The following CELF2 variants were observed in gnomAD, a reference collection of about 807,000 sequenced individuals.
CELF2 encodes CUGBP Elav-like family member 2.
CELF2 carries 8 observed loss-of-function variants against 62.6 expected under a neutral mutation model. The ratio of observed to expected loss-of-function variants is 0.13; its 90% confidence interval spans 0.07 to 0.23. The LOEUF (loss-of-function observed/expected upper bound fraction) is 0.23. Among genes scored for constraint, CELF2 ranks in the 10% least tolerant of loss-of-function variants. CELF2 has a pLI of 1.00. For synonymous variants in CELF2, 258 were observed against 250.0 expected, an observed-to-expected ratio of 1.03 and a Z score of -0.30; for missense variants, 333 against 671.0, an observed-to-expected ratio of 0.50 and a Z score of 5.56.
At chr10:10,470,112 A>G in the CELF2 span, among the ~76,000 whole-genome samples, 2 of 151,868 alleles carry the variant, frequency 1.3e-5, no homozygotes, top group Non-Finnish European at 2.9e-5. Flanking sequence ...AATCTTTTAG[A>G]AATCAAAAAT....
intron 1 of CELF2, among the ~76,000 whole-genome samples, chr10:10,916,611 T>TTTG (rs900125432): frequency 1.1e-4 from 16 of 152,118 alleles, no homozygotes; most frequent in Non-Finnish European, 2.2e-4. Context: ...TGGAATTTCT[T>TTTG]TTGTTGTTGT....
the CELF2 span, among the ~76,000 whole-genome samples, chr10:10,640,947 G>T: frequency 3.3e-5 from 5 of 151,972 alleles, no homozygotes; most frequent in African/African-American, 9.7e-5. Flanking sequence ...TGGCTTTGAG[G>T]GCCAAAGAGA....
rs1300965195 is a variant in CELF2, at chr10:11,315,854, C to T, written c.1096+1596C>T. Among the ~76,000 whole-genome samples the T allele has an allele frequency of 4.6e-5, 7 of 152,246 alleles. No individual in the cohort carries two copies. Among genetic ancestry groups the T allele is most frequent in the African/African-American group, 1.4e-4 (6 of 41,474 alleles). On this transcript the variant is annotated intron_variant, in intron 10 of 12. Transcript: ENST00000633077. The surrounding 1 kb of genome is among the most constrained non-coding windows in gnomAD (Gnocchi z 5.8). ...GGTCGAGGACGCGTGTGCTCGCACACATCCCCTCATGCTGCTTCTCTTGCC... is the reference window on the plus strand; with the variant it reads ...GGTCGAGGACGCGTGTGCTCGCACATATCCCCTCATGCTGCTTCTCTTGCC...
chr10:10,768,364 G>A, the CELF2 span, among the ~76,000 whole-genome samples: 317 of 152,102 alleles, frequency 2.1e-3, 1 homozygote, highest in Admixed American at 3.1e-3. Flanking sequence ...AGGGCAAAGC[G>A]CAACGTGTTC....
At position 11,075,927 on chromosome 10, in the gene CELF2, T is replaced by C. The variant is rs1189832277; in HGVS notation, c.74+57764T>C. Reference sequence around the variant, plus strand: ...CTCAGAATGAGTGAAACAAAAAGCTTTCCTTTTTCTTCCTGTTTTTGTTAG... The same window carrying C: ...CTCAGAATGAGTGAAACAAAAAGCTCTCCTTTTTCTTCCTGTTTTTGTTAG... On this transcript the variant is annotated intron_variant, in intron 1 of 12. Transcript: ENST00000633077. The surrounding 1 kb of genome is among the most constrained non-coding windows in gnomAD (Gnocchi z 5.4). Among the ~76,000 whole-genome samples, 1 of 152,176 alleles carries C rather than the reference T, an allele frequency of 6.6e-6. No homozygotes were observed. The highest frequency in any genetic ancestry group is 1.5e-5 in the Non-Finnish European group (1 of 68,026).
At chr10:10,670,734 C>T in the CELF2 span, among the ~76,000 whole-genome samples, 1 of 152,198 alleles carries the variant, frequency 6.6e-6, no homozygotes, top group Non-Finnish European at 1.5e-5. Flanking sequence ...AATCTGTGAT[C>T]TGCCTATTCA....
Position 11,055,518 on chromosome 10 carries a change from C to A in CELF2, c.74+37355C>A, listed in dbSNP as rs2065034042. 9.8e-5 allele frequency among the ~76,000 whole-genome samples: 15 copies of A among 152,358 alleles called. No individual in the cohort carries two copies. The South Asian group carries it at 2.9e-3, about 29-fold the overall frequency. On this transcript the variant is annotated intron_variant, in intron 1 of 12. Transcript: ENST00000633077. ...TCAGGTGCATTTCTCCTTTCAGAAT[C>A]TTTCCTCATCCCTGTGCCCTCATGC...
At chr10:10,880,509 G>A (rs968824816) in intron 1 of CELF2, among the ~76,000 whole-genome samples, 22 of 152,078 alleles carry the variant, frequency 1.4e-4, no homozygotes, top group South Asian at 4.1e-4. Context: ...CATCTTTTTC[G>A]GACTGACTCT....
chr10:11,169,164 G>A (rs1299474287), intron 2 of CELF2: 1 of 152,222 alleles, frequency 6.6e-6, no homozygotes, highest in Non-Finnish European at 1.5e-5. Flanking sequence ...GATACAGTAG[G>A]AGCTGGTTAT....
the CELF2 span, among the ~76,000 whole-genome samples, chr10:10,653,033 A>C: frequency 2.0e-5 from 3 of 152,178 alleles, no homozygotes; most frequent in African/African-American, 4.8e-5. Context: ...TCTACCAAGC[A>C]AATGGAAAAC....
chr10:11,194,522 T>G (rs145277786), intron 2 of CELF2, among the ~76,000 whole-genome samples: 21 of 152,332 alleles, frequency 1.4e-4, no homozygotes, highest in Admixed American at 1.2e-3. Context: ...CCTGCAAAGC[T>G]GTCCTGAACA....
In CELF2 at chr10:10,928,890, C is replaced by A. The variant is rs776379701; in HGVS notation, c.89+8891C>A. Among the ~76,000 whole-genome samples the A allele has an allele frequency of 6.6e-6, 1 of 151,978 alleles. No homozygotes were observed. Among genetic ancestry groups the A allele is most frequent in the African/African-American group, 2.4e-5 (1 of 41,374 alleles). ...AGCAGTGCCTGGAACATAGTAGGCA[C>A]GAATAAATATTTGCATAAGTGTTTG... is the stretch of plus-strand genomic sequence containing the variant. On this transcript the variant is annotated intron_variant, in intron 2 of 13. Coordinates refer to the CELF2 transcript ENST00000636488. The surrounding 1 kb of genome is among the most constrained non-coding windows in gnomAD (Gnocchi z 4.8).
Position 11,315,134 on chromosome 10 carries a change from C to A in CELF2, c.1096+876C>A, listed in dbSNP as rs569195558. Among the ~76,000 whole-genome samples, 2 of 152,274 alleles carry A rather than the reference C, an allele frequency of 1.3e-5. No homozygotes were observed. The highest frequency in any genetic ancestry group is 2.4e-5 in the African/African-American group (1 of 41,560). ...TTAGATTCATGCTCGGTGTGGGTTC[C>A]TGTACTGAGGAAACTGATCCTCAGC... On this transcript the variant is annotated intron_variant, in intron 10 of 12. Transcript: ENST00000633077. The surrounding 1 kb of genome is among the most constrained non-coding windows in gnomAD (Gnocchi z 5.8).
chr10:10,496,320 G>A, the CELF2 span, among the ~76,000 whole-genome samples: 222 of 152,186 alleles, frequency 1.5e-3, no homozygotes, highest in East Asian at 0.019. Flanking sequence ...TTGTCTACTC[G>A]TATCTACCAT....
intron 2 of CELF2, among the ~76,000 whole-genome samples, chr10:10,968,273 C>T (rs745922519): frequency 1.3e-5 from 2 of 151,998 alleles, no homozygotes; most frequent in Admixed American, 1.3e-4. Flanking sequence ...GAAAAAAATT[C>T]TTGGCTTGTA....
chr10:10,974,888 A>AT lies in CELF2; in HGVS notation c.89+54893dup, dbSNP rs2051151835. 2.6e-5 allele frequency among the ~76,000 whole-genome samples: 4 copies of AT among 152,236 alleles called. No homozygotes were observed. The South Asian group carries it at 8.3e-4, about 32-fold the overall frequency. On this transcript the variant is annotated intron_variant, in intron 2 of 13. Coordinates refer to the CELF2 transcript ENST00000636488. ...ATAAAGGAAGGCAAACCATAGAGTG[A>AT]TTTTACAGTGTCTTGACTCAAAAAC... is the stretch of plus-strand genomic sequence containing the variant.
chr10:10,554,978 A>G, the CELF2 span, among the ~76,000 whole-genome samples: 1 of 152,192 alleles, frequency 6.6e-6, no homozygotes, highest in Non-Finnish European at 1.5e-5. Flanking sequence ...CAGGAAAAGA[A>G]GGGCATGATG....
At chr10:10,996,366 A>G (rs1251393300) in intron 2 of CELF2, among the ~76,000 whole-genome samples, 3 of 152,224 alleles carry the variant, frequency 2.0e-5, no homozygotes, top group African/African-American at 7.2e-5. Context: ...AATGAGGGCA[A>G]GGAGCTGAAG....
chr10:10,875,028 T>C (rs2060993735), intron 1 of CELF2, among the ~76,000 whole-genome samples: 1 of 152,164 alleles, frequency 6.6e-6, no homozygotes, highest in Admixed American at 6.5e-5. Context: ...TATAGACCCT[T>C]TGGGGGTTTA....
Sources: gnomAD v4.1 joint callset for allele counts (sites outside exome capture counted in the v4.1 genomes callset) on GRCh38, gnomAD v4.1.1 for gene constraint, Gnocchi (gnomAD v3.1) non-coding constraint, MANE v1.5 for transcripts, NCBI Gene and HGNC (gene_info 2026-07-23, HGNC 2026-07-21) for gene names.